The following NRP1 variants were observed in gnomAD, a reference collection of about 807,000 sequenced individuals.
NRP1 encodes neuropilin-1.
In NRP1, 35 loss-of-function variants were observed where a neutral mutation model predicts 106.7. The observed-to-expected ratio is 0.33, with a 90% CI of 0.25 to 0.43. The LOEUF (loss-of-function observed/expected upper bound fraction) is 0.43. NRP1 is among the 20% of genes least tolerant of loss of function. The probability of loss-of-function intolerance (pLI) is 1.00; values close to 1 mark genes in which losing one functional copy is unlikely to be tolerated. For synonymous variants in NRP1, 437 were observed against 417.9 expected (o/e 1.05, Z -0.56); for missense variants, 1,024 against 1,170.4 (o/e 0.87, Z 1.83).
intron 1 of NRP1, 58 bp from the exon 2 acceptor site, chr10:33,330,940 C>G: frequency 7.1e-7 from 1 of 1,413,202 alleles, no homozygotes; most frequent in Non-Finnish European, 9.7e-7. Flanking sequence ...GGTAATCTAG[C>G]TTTATATGTA....
intron 6 of NRP1, among the ~76,000 whole-genome samples, chr10:33,251,931 C>T (rs902737954): frequency 3.3e-5 from 5 of 151,986 alleles, no homozygotes; most frequent in Admixed American, 6.6e-5. Context: ...AAGGAGAGTC[C>T]CTGGCTAGGG....
rs369183676 is a variant in NRP1 at position 33,297,766 on chromosome 10, G to A, written c.249-26910C>T. ...CAAACACTTTGAGGTTTAAAGGCAG[G>A]ATTTACTACCCTCTGTCCTGACGGC... On this transcript the variant is annotated intron_variant, in intron 2 of 16. Transcript: ENST00000374867. Among the ~76,000 whole-genome samples, 8 of 151,944 alleles carry A rather than the reference G, an allele frequency of 5.3e-5. No homozygotes were observed. In the South Asian group the frequency reaches 1.7e-3, roughly 32 times the overall value.
At chr10:33,233,721 A>G (rs569526760) in intron 6 of NRP1, among the ~76,000 whole-genome samples, 1 of 152,330 alleles carries the variant, frequency 6.6e-6, no homozygotes, top group East Asian at 1.9e-4. Context: ...AATAGAGGAC[A>G]AAGAGCTGAG....
chr10:33,332,861 T>G (rs1379941296), intron 1 of NRP1, among the ~76,000 whole-genome samples: 1 of 143,086 alleles, frequency 7.0e-6, no homozygotes, highest in African/African-American at 2.6e-5. Context: ...CCCAGATTTC[T>G]GCTAAGAAAA....
Position 33,334,438 on chromosome 10 carries a change from TGCA to T in NRP1, c.-59_-57del. 6.9e-7 allele frequency: 1 copy of T among 1,456,876 alleles called. No homozygotes were observed. Among genetic ancestry groups the T allele is most frequent in the South Asian group, 1.2e-5 (1 of 82,214 alleles). 90.2% of individuals were successfully genotyped at this position (1,456,876 alleles called of 1,614,324 possible). A position where few individuals can be genotyped will look rare whatever the true frequency, so the allele number is the denominator to read the frequency against. On this transcript the variant is annotated 5_prime_UTR_variant, in exon 1 of 17. Transcript: ENST00000374867. ...GGGAGAACGAGGACGTGGGGGGAAA[TGCA>T]GCAAAGAGGAGAATCTAAGCGATCC... is the stretch of plus-strand genomic sequence containing the variant.
chr10:33,234,106 G>T (rs1163142417), intron 6 of NRP1, among the ~76,000 whole-genome samples: 1 of 152,096 alleles, frequency 6.6e-6, no homozygotes, highest in Non-Finnish European at 1.5e-5. Context: ...AATGCTGATG[G>T]CTAAGGCTAA....
chr10:33,295,573 G>A (rs116262808), intron 2 of NRP1, among the ~76,000 whole-genome samples: 1 of 152,272 alleles, frequency 6.6e-6, no homozygotes, highest in African/African-American at 2.4e-5. Flanking sequence ...GTCAGGCATG[G>A]TGGTGCACAC....
intron 7 of NRP1, among the ~76,000 whole-genome samples, chr10:33,222,929 G>A (rs1030670342): frequency 6.6e-6 from 1 of 152,208 alleles, no homozygotes; most frequent in Non-Finnish European, 1.5e-5. Context: ...CCTGGGCGGG[G>A]GGCTGCAGCA....
rs180962244 is a variant in NRP1 at position 33,234,229 on chromosome 10, G to C, written c.982-7940C>G. On this transcript the variant is annotated intron_variant, in intron 6 of 16. Coordinates refer to ENST00000374867, the MANE Select transcript of NRP1 (RefSeq NM_003873.7). ...TCAATTCTCACAACAATCATACAAG[G>C]GACATTTTATGGACAAAGAAACAGA... is the stretch of plus-strand genomic sequence containing the variant. Among the ~76,000 whole-genome samples the C allele has an allele frequency of 2.6e-5, 4 of 152,130 alleles. No homozygotes were observed. The East Asian group carries it at 7.7e-4, about 29-fold the overall frequency.
rs1377820443 is a variant in NRP1 at position 33,263,815 on chromosome 10, G to A, written c.489C>T (p.Phe163=). The A allele has an allele frequency of 6.2e-7, 1 of 1,613,748 alleles. No individual in the cohort carries two copies. The highest frequency in any genetic ancestry group is 8.5e-7 in the Non-Finnish European group (1 of 1,179,804). Residue 163 remains phenylalanine, a synonymous_variant, in exon 4 of 17, where the codon TTC becomes TTT. Transcript: ENST00000374867. ...CAAGGCTGTTGGGATATTTTTCAGG[G>A]AATCCGGGGGACTTTATCACTCCAC... The part of the protein sequence containing the change: ...TPSGVIKSPG[F]PEKYPNSLEC...
At chr10:33,200,270 T>C (rs1340075782) in intron 11 of NRP1, among the ~76,000 whole-genome samples, 1 of 152,182 alleles carries the variant, frequency 6.6e-6, no homozygotes, top group African/African-American at 2.4e-5. Context: ...CAACGTAAAA[T>C]TTGGCTGCCT....
At chr10:33,323,345 AC>A (rs1847657832) in intron 2 of NRP1, among the ~76,000 whole-genome samples, 1 of 152,214 alleles carries the variant, frequency 6.6e-6, no homozygotes, top group African/African-American at 2.4e-5. Context: ...AGCAATAAAG[AC>A]CTGGGCTTGA....
chr10:33,256,478 AG>A lies in NRP1; in HGVS notation c.659-8del. On this transcript the variant is annotated splice_region_variant and splice_polypyrimidine_tract_variant and intron_variant, in intron 4 of 16. Transcript: ENST00000374867. ...CGCCCAATGTGAGGGCCAACTGGAA[AG>A]GGAGGAATACAGACGATGTCAAAAT... 2 of 1,613,986 alleles carry A rather than the reference AG, an allele frequency of 1.2e-6. No individual in the cohort carries two copies. The highest frequency in any genetic ancestry group is 1.7e-6 in the Non-Finnish European group (2 of 1,179,838).
intron 6 of NRP1, among the ~76,000 whole-genome samples, chr10:33,244,778 T>C (rs1332592156): frequency 6.6e-6 from 1 of 152,160 alleles, no homozygotes; most frequent in East Asian, 1.9e-4. Context: ...ACATACCACA[T>C]AAAAACAAAA....
In NRP1 at chr10:33,199,951, A is replaced by G. The variant is rs188710973; in HGVS notation, c.1865-2242T>C. On this transcript the variant is annotated intron_variant, in intron 11 of 16. Coordinates refer to ENST00000374867, the MANE Select transcript of NRP1 (RefSeq NM_003873.7). ...CTCTTGGAATGGTCTTAAGATTTCT[A>G]GGCTAATCAACTGCAGCACCAAGTC... 2.0e-5 allele frequency among the ~76,000 whole-genome samples: 3 copies of G among 152,334 alleles called. No individual in the cohort carries two copies. The East Asian group carries it at 5.8e-4, about 29-fold the overall frequency.
intron 3 of NRP1, among the ~76,000 whole-genome samples, chr10:33,269,279 T>C (rs1418561390): frequency 6.6e-6 from 1 of 152,180 alleles, no homozygotes; most frequent in African/African-American, 2.4e-5. Context: ...AATTTGTTTA[T>C]TACTTTTAAA....
intron 6 of NRP1, among the ~76,000 whole-genome samples, chr10:33,237,487 GCACACACACACACACA>G: frequency 6.9e-6 from 1 of 144,852 alleles, no homozygotes; most frequent in Non-Finnish European, 1.5e-5. Flanking sequence ...ACATGCGCGC[GCACACACACACACACA>G]CACACACACA....
At chr10:33,246,950 T>A (rs1841473194) in intron 6 of NRP1, among the ~76,000 whole-genome samples, 1 of 152,102 alleles carries the variant, frequency 6.6e-6, no homozygotes, top group Admixed American at 6.5e-5. Context: ...AAACCAGCAA[T>A]TTGGTGAAAA....
intron 13 of NRP1, among the ~76,000 whole-genome samples, chr10:33,191,262 C>T (rs1836392052): frequency 6.6e-6 from 1 of 152,168 alleles, no homozygotes; most frequent in Non-Finnish European, 1.5e-5. Flanking sequence ...CCAGCTTTTT[C>T]TGTCCCCCAA....
Sources: gnomAD v4.1 joint callset for allele counts (sites outside exome capture counted in the v4.1 genomes callset) on GRCh38, gnomAD v4.1.1 for gene constraint, MANE v1.5 for transcripts, NCBI Gene and HGNC (gene_info 2026-07-23, HGNC 2026-07-21) for gene names.